Variants in NRG1 observed in about 807,000 individuals in gnomAD.
NRG1 encodes the protein pro-neuregulin-1, membrane-bound isoform.
In NRG1, 18 loss-of-function variants were observed where a neutral mutation model predicts 63.8. The observed-to-expected ratio is 0.28, with a 90% CI of 0.19 to 0.42. The LOEUF is 0.42. NRG1 is among the 10% of genes least tolerant of loss of function. NRG1 has a pLI of 1.00. For synonymous variants in NRG1, 302 were observed against 301.3 expected (o/e 1.00, Z -0.02); for missense variants, 762 against 814.7 (o/e 0.94, Z 0.79).
At chr8:32,703,493 A>G (rs1815512534) in intron 5 of NRG1, among the ~76,000 whole-genome samples, 1 of 147,708 alleles carries the variant, frequency 6.8e-6, no homozygotes, top group Admixed American at 6.8e-5. Context: ...TGTTTGTGCC[A>G]CTGCACTGTA....
At chr8:32,500,198 G>T (rs1382508938) in intron 1 of NRG1, among the ~76,000 whole-genome samples, 1 of 152,050 alleles carries the variant, frequency 6.6e-6, no homozygotes, top group Non-Finnish European at 1.5e-5. Flanking sequence ...TTTTGTGTTT[G>T]CTCTTCTGGA....
chr8:32,286,801 A>T (rs1437665393), intron 1 of NRG1, among the ~76,000 whole-genome samples: 1 of 152,186 alleles, frequency 6.6e-6, no homozygotes, highest in African/African-American at 2.4e-5. Flanking sequence ...GTTCAAGACC[A>T]GCTTGGCCAA....
intron 1 of NRG1, among the ~76,000 whole-genome samples, chr8:31,925,363 T>G (rs905155016): frequency 6.6e-6 from 1 of 151,852 alleles, no homozygotes; most frequent in Non-Finnish European, 1.5e-5. Context: ...AGAAATGCTT[T>G]GAAGCCTAAT....
exon 12 of NRG1, chr8:32,766,937 G>C (rs560688732): frequency 1.3e-5 from 2 of 152,172 alleles, no homozygotes; most frequent in Non-Finnish European, 2.9e-5. Context: ...GTGGCGATCG[G>C]AGTGTGAACT....
At chr8:32,649,781 CT>C (rs1854599418) in intron 5 of NRG1, among the ~76,000 whole-genome samples, 1 of 152,194 alleles carries the variant, frequency 6.6e-6, no homozygotes, top group Non-Finnish European at 1.5e-5. Context: ...TGCTTTGTAT[CT>C]TTATCAAATC....
At chr8:32,149,984 G>A (rs1837322178) in intron 1 of NRG1, among the ~76,000 whole-genome samples, 1 of 152,124 alleles carries the variant, frequency 6.6e-6, no homozygotes, top group Non-Finnish European at 1.5e-5. Context: ...GCACTAGCAA[G>A]GGCTAGAATT....
At chr8:32,032,747 T>G (rs1818460666) in intron 1 of NRG1, among the ~76,000 whole-genome samples, 1 of 152,248 alleles carries the variant, frequency 6.6e-6, no homozygotes, top group East Asian at 1.9e-4. Flanking sequence ...TAATGAAAAT[T>G]TCTTTTGCTG....
At chr8:32,304,371 C>T (rs1855958788) in intron 1 of NRG1, among the ~76,000 whole-genome samples, 1 of 152,106 alleles carries the variant, frequency 6.6e-6, no homozygotes, top group South Asian at 2.1e-4. Flanking sequence ...GAATAAAGCT[C>T]AAATATTATA....
At chr8:31,862,363 T>C (rs183477687) in intron 1 of NRG1, among the ~76,000 whole-genome samples, 63 of 152,216 alleles carry the variant, frequency 4.1e-4, no homozygotes, top group Non-Finnish European at 7.9e-4. Context: ...TTGTTAATTA[T>C]CCCAAGGAAA....
At chr8:32,603,357 G>C (rs541959368) in intron 2 of NRG1, among the ~76,000 whole-genome samples, 41 of 152,310 alleles carry the variant, frequency 2.7e-4, no homozygotes, top group African/African-American at 9.6e-4. Flanking sequence ...TGAGATTAAA[G>C]ATAATGAAAA....
At chr8:31,796,414 CTTTTTTTTTTTTTTTTTTTT>C (rs1158508289) in intron 1 of NRG1, among the ~76,000 whole-genome samples, 10 of 43,376 alleles carry the variant, frequency 2.3e-4, no homozygotes, top group Middle Eastern at 0.026. Context: ...GGCGTATAAT[CTTTTTTTTTTTTTTTTTTTT>C]TTTTTTTTTT....
intron 1 of NRG1, among the ~76,000 whole-genome samples, chr8:31,930,688 CT>C (rs879444785): frequency 4.6e-5 from 7 of 152,102 alleles, no homozygotes; most frequent in Non-Finnish European, 1.0e-4. Flanking sequence ...AGACAACTTG[CT>C]ATGTAACCTT....
chr8:31,792,171 ACTCTTT>A (rs926266695), intron 1 of NRG1, among the ~76,000 whole-genome samples: 25 of 152,126 alleles, frequency 1.6e-4, no homozygotes, highest in African/African-American at 5.3e-4. Flanking sequence ...AAAGCACATT[ACTCTTT>A]AAGGAACTAG....
At chr8:32,628,274 G>T (rs1029557628) in intron 5 of NRG1, among the ~76,000 whole-genome samples, 15 of 152,172 alleles carry the variant, frequency 9.9e-5, no homozygotes, top group Non-Finnish European at 1.5e-4. Context: ...TATTTAAGTG[G>T]CCATAATAGA....
At chr8:32,077,034 G>A (rs1826672601) in intron 1 of NRG1, among the ~76,000 whole-genome samples, 1 of 152,092 alleles carries the variant, frequency 6.6e-6, no homozygotes, top group African/African-American at 2.4e-5. Flanking sequence ...TGTCATTGAG[G>A]TTACACTTAA....
At chr8:31,797,786 C>G (rs1039611929) in intron 1 of NRG1, among the ~76,000 whole-genome samples, 1 of 152,148 alleles carries the variant, frequency 6.6e-6, no homozygotes, top group Admixed American at 6.5e-5. Context: ...TAGAATCCAC[C>G]TAGGTGTGCA....
intron 1 of NRG1, among the ~76,000 whole-genome samples, chr8:32,436,405 T>C (rs1030399936): frequency 1.3e-5 from 2 of 152,188 alleles, no homozygotes; most frequent in African/African-American, 4.8e-5. Flanking sequence ...TTCATTTTAT[T>C]CCTCAATCTT....
chr8:31,870,972 T>C (rs945459569), intron 1 of NRG1, among the ~76,000 whole-genome samples: 11 of 151,978 alleles, frequency 7.2e-5, no homozygotes, highest in African/African-American at 2.7e-4. Flanking sequence ...TTCTGTCTTC[T>C]TCCTTGTGTT....
At chr8:32,264,105 G>T (rs186861404) in intron 1 of NRG1, among the ~76,000 whole-genome samples, 29 of 152,028 alleles carry the variant, frequency 1.9e-4, no homozygotes, top group Admixed American at 1.8e-3. Flanking sequence ...GGTAATAAAG[G>T]TTTGTTATTT....
Sources: gnomAD v4.1 joint callset for allele counts (sites outside exome capture counted in the v4.1 genomes callset) on GRCh38, gnomAD v4.1.1 for gene constraint, MANE v1.5 for transcripts, NCBI Gene and HGNC (gene_info 2026-07-23, HGNC 2026-07-21) for gene names.